The following SSUH2 variants were observed in gnomAD, a reference collection of about 807,000 sequenced individuals.
SSUH2 encodes the protein ssu-2 homolog, also known as protein SSUH2 homolog.
Under a neutral mutation model 55.3 loss-of-function variants are expected in SSUH2, and 47 were observed. The observed-to-expected ratio is 0.85, with a 90% CI of 0.67 to 1.08. SSUH2 has a LOEUF of 1.08. Ranked by LOEUF, SSUH2 falls within the 50% of genes least tolerant of loss-of-function variation. SSUH2 has a pLI of 0.00. For missense variants in SSUH2, 535 were observed against 490.7 expected, an observed-to-expected ratio of 1.09 and a Z score of -0.85; for synonymous variants, 212 against 191.5, an observed-to-expected ratio of 1.11 and a Z score of -0.89.
rs937711812 is a variant in SSUH2 at position 8,619,586 on chromosome 3, G to A, written c.*282C>T. 3.2e-6 allele frequency: 1 copy of A among 316,174 alleles called. No homozygotes were observed. The highest frequency in any genetic ancestry group is 8.7e-4 in the Middle Eastern group (1 of 1,156). 19.6% of individuals were successfully genotyped at this position (316,174 alleles called of 1,614,324 possible). Reference sequence around the variant, plus strand: ...CGCATCATCGGGGCATTAACTTGGAGACCAGAGGCAAAGTCCTTGCCATTT... The same window carrying A: ...CGCATCATCGGGGCATTAACTTGGAAACCAGAGGCAAAGTCCTTGCCATTT... On this transcript the variant is annotated 3_prime_UTR_variant, in exon 12 of 12. Coordinates refer to ENST00000544814, the MANE Select transcript of SSUH2 (RefSeq NM_001256748.3).
chr3:8,678,811 G>A (rs1218314434), intron 2 of SSUH2, among the ~76,000 whole-genome samples: 1 of 113,518 alleles, frequency 8.8e-6, no homozygotes, highest in Admixed American at 8.7e-5. Flanking sequence ...CGCAGGGAGA[G>A]GAGGCGGCAC....
intron 3 of SSUH2, 164 bp from the exon 4 acceptor site, chr3:8,633,959 T>TGAACGGGTGCCCAGCGTGA: frequency 6.2e-7 from 1 of 1,612,934 alleles, no homozygotes. Flanking sequence ...GGGGACCATG[T>TGAACGGGTGCCCAGCGTGA]GAACGGGTGC....
upstream of SSUH2, among the ~76,000 whole-genome samples, chr3:8,649,724 C>A (rs906594867): frequency 6.6e-6 from 1 of 152,130 alleles, no homozygotes; most frequent in African/African-American, 2.4e-5. Flanking sequence ...CCCTGCCCCC[C>A]TCACCTGGAT....
At position 8,627,688 on chromosome 3, in the gene SSUH2, A is replaced by G. The variant is rs770648653; in HGVS notation, c.674+10T>C. 7 of 1,563,688 alleles carry G rather than the reference A, an allele frequency of 4.5e-6. No homozygotes were observed. Among genetic ancestry groups the G allele is most frequent in the Non-Finnish European group, 6.1e-6 (7 of 1,154,524 alleles). Reference sequence around the variant, plus strand: ...AGCACTTCACCGCGGTGCTGGGGAGATGCCCCTACCTTCGCCTGCCGGACC... The same window carrying G: ...AGCACTTCACCGCGGTGCTGGGGAGGTGCCCCTACCTTCGCCTGCCGGACC... On this transcript the variant is annotated intron_variant, in intron 8 of 11. Transcript: ENST00000544814.
At chr3:8,649,408 G>T (rs1257141456), upstream of SSUH2, among the ~76,000 whole-genome samples, 1 of 151,990 alleles carries the variant, frequency 6.6e-6, no homozygotes, top group South Asian at 2.1e-4. Flanking sequence ...TTGTGTGCCC[G>T]TCCATCCGTG....
At chr3:8,639,822 C>G (rs1237833364) in intron 1 of SSUH2, 1 of 238,992 alleles carries the variant, frequency 4.2e-6, no homozygotes, top group Non-Finnish European at 6.8e-6. Context: ...TCTCCTTTGA[C>G]AGGTGTGAGG....
chr3:8,670,531 C>T (rs963065218), intron 5 of SSUH2, among the ~76,000 whole-genome samples: 6 of 151,874 alleles, frequency 4.0e-5, no homozygotes, highest in Non-Finnish European at 8.8e-5. Context: ...GTATCACAGG[C>T]GTTGAATACG....
At chr3:8,670,416 T>A (rs1704431002) in intron 5 of SSUH2, among the ~76,000 whole-genome samples, 1 of 151,764 alleles carries the variant, frequency 6.6e-6, no homozygotes, top group Non-Finnish European at 1.5e-5. Flanking sequence ...TCATCAGGAG[T>A]AACATTCCCC....
intron 6 of SSUH2, chr3:8,659,698 T>A (rs537727375): frequency 6.7e-6 from 3 of 448,096 alleles, no homozygotes; most frequent in South Asian, 4.8e-5. Flanking sequence ...TATTCATCCA[T>A]CTACCATGCA....
intron 7 of SSUH2, among the ~76,000 whole-genome samples, chr3:8,652,757 AACTTCT>A (rs1198568738): frequency 1.3e-5 from 2 of 152,102 alleles, no homozygotes; most frequent in Non-Finnish European, 2.9e-5. Context: ...CTCCCTGGCA[AACTTCT>A]ACTCATGCTC....
At chr3:8,665,708 A>G (rs1322659782) in intron 5 of SSUH2, among the ~76,000 whole-genome samples, 1 of 152,218 alleles carries the variant, frequency 6.6e-6, no homozygotes, top group Non-Finnish European at 1.5e-5. Context: ...AAACGTCTTA[A>G]CAAATTAAAT....
chr3:8,675,693 C>G (rs1468050266), intron 3 of SSUH2, among the ~76,000 whole-genome samples: 2 of 152,072 alleles, frequency 1.3e-5, no homozygotes, highest in Non-Finnish European at 2.9e-5. Flanking sequence ...ACTGTGGATC[C>G]CAAACTTTGC....
At chr3:8,639,108 G>A (rs1700407361) in intron 1 of SSUH2, among the ~76,000 whole-genome samples, 2 of 152,190 alleles carry the variant, frequency 1.3e-5, no homozygotes, top group Admixed American at 6.5e-5. Flanking sequence ...TAAGGAGGAG[G>A]TGTCGTTTCC....
At chr3:8,681,028 C>A (rs1009547310) in intron 1 of SSUH2, among the ~76,000 whole-genome samples, 1 of 143,348 alleles carries the variant, frequency 7.0e-6, no homozygotes, top group African/African-American at 2.5e-5. Context: ...CTCCAAGTGG[C>A]GGGGACTGAG....
At chr3:8,675,847 A>G (rs9870320) in intron 3 of SSUH2, among the ~76,000 whole-genome samples, 11,582 of 152,160 alleles carry the variant, frequency 0.076, 493 homozygotes, top group South Asian at 0.12. Flanking sequence ...CGGATCTGAC[A>G]AAGCCTTTTC....
chr3:8,628,585 A>G (rs538914425), intron 7 of SSUH2, among the ~76,000 whole-genome samples: 1 of 152,362 alleles, frequency 6.6e-6, no homozygotes, highest in African/African-American at 2.4e-5. Flanking sequence ...GGTAGGGCCT[A>G]AATCCGATGA....
At chr3:8,640,781 A>G (rs1700695517) in intron 1 of SSUH2, among the ~76,000 whole-genome samples, 1 of 152,148 alleles carries the variant, frequency 6.6e-6, no homozygotes, top group Admixed American at 6.5e-5. Flanking sequence ...ATCAAGAGAA[A>G]TGGGTGAAGG....
intron 4 of SSUH2, among the ~76,000 whole-genome samples, chr3:8,632,730 T>C (rs1395845196): frequency 6.6e-6 from 1 of 152,220 alleles, no homozygotes; most frequent in Non-Finnish European, 1.5e-5. Context: ...CTGTAAAAGC[T>C]GCTCCTCTGC....
Position 8,631,553 on chromosome 3 carries a change from G to A in SSUH2, c.400+496C>T, listed in dbSNP as rs372806735. Among the ~76,000 whole-genome samples, 65 of 152,302 alleles carry A rather than the reference G, an allele frequency of 4.3e-4. 1 individual carries two copies. The South Asian group carries it at 0.013, about 30-fold the overall frequency. On this transcript the variant is annotated intron_variant, in intron 5 of 11. Coordinates refer to ENST00000544814, the MANE Select transcript of SSUH2 (RefSeq NM_001256748.3). ...AAAAGCTTCTTAAAAGAAGTGACAC[G>A]TGAGCTGAGTCTTGAAGAATGGACC...
Sources: allele counts gnomAD v4.1 joint callset (sites outside exome capture counted in the v4.1 genomes callset), GRCh38; gene constraint gnomAD v4.1.1; transcripts MANE v1.5; gene names NCBI Gene and HGNC (gene_info 2026-07-23, HGNC 2026-07-21).